The following CSMD1 variants were observed in gnomAD, a reference collection of about 807,000 sequenced individuals.
CSMD1 encodes the protein CUB and Sushi multiple domains 1.
Under a neutral mutation model 417.5 loss-of-function variants are expected in CSMD1, and 213 were observed. The ratio of observed to expected loss-of-function variants is 0.51; its 90% confidence interval spans 0.46 to 0.57. The LOEUF is 0.57. Ranked by LOEUF, CSMD1 falls within the 20% of genes least tolerant of loss-of-function variation. The pLI, the probability that CSMD1 is intolerant of heterozygous loss-of-function variation, is 0.00. For missense variants in CSMD1, 6,923 were observed against 4,529.7 expected, an observed-to-expected ratio of 1.53 and a Z score of -15.17; for synonymous variants, 2,862 against 1,736.8, an observed-to-expected ratio of 1.65 and a Z score of -16.11.
intron 2 of CSMD1, among the ~76,000 whole-genome samples, chr8:4,476,632 A>G (rs183351716): frequency 1.3e-5 from 2 of 152,336 alleles, no homozygotes; most frequent in East Asian, 3.9e-4. Context: ...GCCTTTAGAA[A>G]TAGCAACTCA....
At position 3,644,931 on chromosome 8, in the gene CSMD1, A is replaced by C. The variant is rs568217512; in HGVS notation, c.1010-28134T>G. On this transcript the variant is annotated intron_variant, in intron 7 of 69. Transcript: ENST00000635120. ...GTAGAATTGCCCACATTTTCCCTGG[A>C]AATTCCAGGGTTACGGATCACTAAG... is the stretch of plus-strand genomic sequence containing the variant. Among the ~76,000 whole-genome samples the C allele has an allele frequency of 1.5e-3, 227 of 147,888 alleles. 1 individual carries two copies. Among genetic ancestry groups the C allele is most frequent in the Non-Finnish European group, 2.5e-3 (169 of 67,574 alleles).
chr8:3,913,546 A>T (rs75581690), intron 5 of CSMD1, among the ~76,000 whole-genome samples: 1,916 of 152,268 alleles, frequency 0.013, 23 homozygotes, highest in Non-Finnish European at 0.018. Flanking sequence ...AGGTGCAAGT[A>T]ATAATAAGGC....
chr8:3,819,170 G>C (rs1401841602), intron 5 of CSMD1, among the ~76,000 whole-genome samples: 1 of 152,166 alleles, frequency 6.6e-6, no homozygotes, highest in Non-Finnish European at 1.5e-5. Context: ...CAGAGGATGA[G>C]TCTGCCCACA....
At chr8:4,989,941 G>C (rs528653271) in intron 1 of CSMD1, among the ~76,000 whole-genome samples, 74 of 152,314 alleles carry the variant, frequency 4.9e-4, no homozygotes, top group Non-Finnish European at 9.6e-4. Flanking sequence ...TTGCCCCCGG[G>C]AGGAGCTGCT....
At chr8:3,026,814 A>C (rs1809964881) in intron 51 of CSMD1, among the ~76,000 whole-genome samples, 1 of 152,216 alleles carries the variant, frequency 6.6e-6, no homozygotes, top group African/African-American at 2.4e-5. Context: ...TTTAAAAATA[A>C]AAATTTTATG....
intron 3 of CSMD1, among the ~76,000 whole-genome samples, chr8:4,156,352 T>G (rs540119115): frequency 6.6e-6 from 1 of 152,292 alleles, no homozygotes; most frequent in South Asian, 2.1e-4. Flanking sequence ...CTCTCTGGTT[T>G]TGATAAAACT....
intron 58 of CSMD1, 140 bp from the exon 59 acceptor site, chr8:2,966,094 C>T: frequency 1.4e-6 from 1 of 701,022 alleles, no homozygotes; most frequent in East Asian, 2.7e-5. Flanking sequence ...ATACTACCCT[C>T]TGTGTGATGA....
Position 3,960,998 on chromosome 8 carries a change from C to A in CSMD1, c.818+36905G>T, listed in dbSNP as rs530059059. Among the ~76,000 whole-genome samples, 38 of 151,828 alleles carry A rather than the reference C, an allele frequency of 2.5e-4. No individual in the cohort carries two copies. In the East Asian group the frequency reaches 6.2e-3, roughly 25 times the overall value. On this transcript the variant is annotated intron_variant, in intron 5 of 69. Transcript: ENST00000635120. ...TTCTTTTAAAAATATATTAAATTAT[C>A]TGAAAATTATAAATTGTACAATTCC... is the stretch of plus-strand genomic sequence containing the variant.
At chr8:4,834,933 G>C (rs1487680736) in intron 1 of CSMD1, among the ~76,000 whole-genome samples, 16 of 111,610 alleles carry the variant, frequency 1.4e-4, no homozygotes, top group Non-Finnish European at 2.3e-4. Flanking sequence ...CTCCAGCCTG[G>C]GCGACAGGGC....
chr8:3,709,680 GTTTTTTTTTTTTTTTTTT>G (rs56272726), intron 6 of CSMD1, among the ~76,000 whole-genome samples: 1 of 33,694 alleles, frequency 3.0e-5, no homozygotes, highest in Non-Finnish European at 5.7e-5. Flanking sequence ...GCAGCAGCAT[GTTTTTTTTTTTTTTTTTT>G]TTTTTTTTTT....
intron 5 of CSMD1, among the ~76,000 whole-genome samples, chr8:3,836,545 G>C (rs1200292372): frequency 2.6e-5 from 4 of 152,126 alleles, no homozygotes; most frequent in African/African-American, 7.2e-5. Flanking sequence ...CTAGGATGGA[G>C]TGAGTCAGAA....
At chr8:3,817,810 C>T (rs559310401) in intron 5 of CSMD1, among the ~76,000 whole-genome samples, 1 of 152,042 alleles carries the variant, frequency 6.6e-6, no homozygotes, top group African/African-American at 2.4e-5. Flanking sequence ...TTAATAAGCA[C>T]GTGCATCTGG....
chr8:4,810,020 A>G (rs1798805920), intron 1 of CSMD1, among the ~76,000 whole-genome samples: 1 of 152,248 alleles, frequency 6.6e-6, no homozygotes, highest in Non-Finnish European at 1.5e-5. Flanking sequence ...CCAAGTGCTT[A>G]GAATGAGGGT....
chr8:4,197,940 C>G (rs369134655), intron 3 of CSMD1, among the ~76,000 whole-genome samples: 4 of 152,144 alleles, frequency 2.6e-5, no homozygotes, highest in South Asian at 4.1e-4. Context: ...TAATTCTGTA[C>G]ACATTGTCTT....
chr8:4,014,194 G>A lies in CSMD1; in HGVS notation c.611-16084C>T, dbSNP rs565381757. 1.4e-3 allele frequency among the ~76,000 whole-genome samples: 207 copies of A among 152,256 alleles called. 1 individual carries two copies. Among genetic ancestry groups the A allele is most frequent in the African/African-American group, 4.5e-3 (187 of 41,524 alleles). On this transcript the variant is annotated intron_variant, in intron 4 of 69. Transcript: ENST00000635120. ...GAAATGCATTCATTAAGTTTGCAAA[G>A]CATAAACAACATTCCTAGAAATCTT... is the stretch of plus-strand genomic sequence containing the variant.
rs578155384 is a variant in CSMD1 at position 4,672,870 on chromosome 8, G to A, written c.86-35312C>T. 2.6e-5 allele frequency among the ~76,000 whole-genome samples: 4 copies of A among 152,006 alleles called. No individual in the cohort carries two copies. The South Asian group carries it at 6.2e-4, about 24-fold the overall frequency. On this transcript the variant is annotated intron_variant, in intron 1 of 69. Transcript: ENST00000635120. ...ACGTACACATATGCATGCATACATG[G>A]TAACATGGAGCACACCGAAACATGA...
chr8:4,381,545 A>T (rs1803104788), intron 3 of CSMD1, among the ~76,000 whole-genome samples: 1 of 152,050 alleles, frequency 6.6e-6, no homozygotes, highest in Non-Finnish European at 1.5e-5. Context: ...GGGAGGAGGT[A>T]TTTTTGGAGA....
chr8:3,275,443 T>C (rs930844864), intron 26 of CSMD1, among the ~76,000 whole-genome samples: 9 of 152,224 alleles, frequency 5.9e-5, no homozygotes, highest in African/African-American at 1.9e-4. Flanking sequence ...CTTTGTGGCA[T>C]TCTCTGTATT....
intron 4 of CSMD1, among the ~76,000 whole-genome samples, chr8:4,018,097 T>C (rs919066567): frequency 1.2e-4 from 18 of 152,246 alleles, no homozygotes; most frequent in African/African-American, 3.9e-4. Context: ...TTATAGCCTA[T>C]TGTATGGCAT....
Sources: gnomAD v4.1 joint callset for allele counts (sites outside exome capture counted in the v4.1 genomes callset) on GRCh38, gnomAD v4.1.1 for gene constraint, MANE v1.5 for transcripts, NCBI Gene and HGNC (gene_info 2026-07-23, HGNC 2026-07-21) for gene names.